BRINP3: variants seen among roughly 807,000 people sequenced by gnomAD.
BRINP3 encodes BMP/retinoic acid inducible neural specific 3.
In BRINP3, 19 loss-of-function variants were observed where a neutral mutation model predicts 71.0. The observed-to-expected ratio is 0.27, with a 90% CI of 0.19 to 0.39. The LOEUF is 0.39. BRINP3 is among the 10% of genes least tolerant of loss of function. The pLI is 1.00. For synonymous variants in BRINP3, 380 were observed against 337.7 expected, an observed-to-expected ratio of 1.13 and a Z score of -1.37; for missense variants, 959 against 940.8, an observed-to-expected ratio of 1.02 and a Z score of -0.25.
chr1:190,424,667 G>A (rs897408768), intron 2 of BRINP3, among the ~76,000 whole-genome samples: 3 of 151,742 alleles, frequency 2.0e-5, no homozygotes, highest in Non-Finnish European at 4.4e-5. Context: ...TGAACAGTAA[G>A]AGTAGTAGAA....
At chr1:190,469,994 GTTA>G (rs1677022849) in intron 1 of BRINP3, among the ~76,000 whole-genome samples, 1 of 150,944 alleles carries the variant, frequency 6.6e-6, no homozygotes, top group African/African-American at 2.4e-5. Context: ...GAAAATATTT[GTTA>G]TTAGTGACAG....
intron 6 of BRINP3, among the ~76,000 whole-genome samples, chr1:190,191,326 G>C (rs991952131): frequency 6.6e-6 from 1 of 151,706 alleles, no homozygotes; most frequent in South Asian, 2.1e-4. Context: ...TGTGTATAAC[G>C]TGCAGGTTTG....
chr1:190,265,306 G>A (rs10920675), intron 3 of BRINP3, among the ~76,000 whole-genome samples: 59,145 of 151,658 alleles, frequency 0.39, 12,738 homozygotes, highest in Non-Finnish European at 0.49. Context: ...AGTTTCTCCA[G>A]ATTTTATTGA....
chr1:190,408,195 A>T (rs1254696490), intron 2 of BRINP3, among the ~76,000 whole-genome samples: 2 of 47,908 alleles, frequency 4.2e-5, no homozygotes, highest in African/African-American at 1.0e-4. Flanking sequence ...CTAATTATTT[A>T]TTTATTTATT....
intron 7 of BRINP3, among the ~76,000 whole-genome samples, chr1:190,115,819 G>C (rs1653087156): frequency 6.6e-6 from 1 of 152,100 alleles, no homozygotes; most frequent in African/African-American, 2.4e-5. Flanking sequence ...GACTATGGTG[G>C]ATGAAATTGA....
chr1:190,292,198 A>G (rs553483677), intron 2 of BRINP3, among the ~76,000 whole-genome samples: 1 of 152,268 alleles, frequency 6.6e-6, no homozygotes, highest in Non-Finnish European at 1.5e-5. Context: ...ACAAAATGAC[A>G]GAAGGAAGAA....
intron 2 of BRINP3, among the ~76,000 whole-genome samples, chr1:190,446,659 T>A (rs1675238971): frequency 6.6e-6 from 1 of 152,112 alleles, no homozygotes; most frequent in Non-Finnish European, 1.5e-5. Flanking sequence ...TTGCTTTTGA[T>A]ATCCAAAAAA....
intron 2 of BRINP3, among the ~76,000 whole-genome samples, chr1:190,399,863 GT>G (rs1235260963): frequency 6.6e-6 from 1 of 151,904 alleles, no homozygotes; most frequent in Non-Finnish European, 1.5e-5. Flanking sequence ...GCTACTCCTG[GT>G]CTTAGAGATG....
intron 2 of BRINP3, among the ~76,000 whole-genome samples, chr1:190,287,046 C>T (rs910374006): frequency 1.3e-5 from 2 of 150,302 alleles, no homozygotes; most frequent in Admixed American, 6.7e-5. Flanking sequence ...TGGTGAAACC[C>T]TGTCTCTACT....
At chr1:190,234,573 C>G in intron 4 of BRINP3, 96 bp from the exon 5 acceptor site, 4 of 833,446 alleles carry the variant, frequency 4.8e-6, no homozygotes, top group East Asian at 2.6e-5. Flanking sequence ...ATACGTTTGA[C>G]AGTAAATATC....
chr1:190,103,502 C>T (rs2102251406), intron 7 of BRINP3, among the ~76,000 whole-genome samples: 1 of 152,108 alleles, frequency 6.6e-6, no homozygotes, highest in Middle Eastern at 3.4e-3. Context: ...ATAAGAATTT[C>T]TAGGAGTAGG....
intron 1 of BRINP3, among the ~76,000 whole-genome samples, chr1:190,464,136 T>TG (rs1371284775): frequency 2.1e-5 from 3 of 141,840 alleles, no homozygotes; most frequent in Admixed American, 1.4e-4. Context: ...TTTCAAAAAG[T>TG]GTTTTTTTTT....
intron 4 of BRINP3, among the ~76,000 whole-genome samples, chr1:190,257,042 A>G (rs760850078): frequency 4.6e-5 from 7 of 152,138 alleles, no homozygotes; most frequent in Non-Finnish European, 1.0e-4. Context: ...CTGACTTGCT[A>G]GGTTGGGGAA....
chr1:190,433,014 C>CA (rs1674204265), intron 2 of BRINP3, among the ~76,000 whole-genome samples: 1 of 151,718 alleles, frequency 6.6e-6, no homozygotes, highest in Non-Finnish European at 1.5e-5. Flanking sequence ...AAATAGAGAC[C>CA]AAAAAAATCT....
intron 2 of BRINP3, among the ~76,000 whole-genome samples, chr1:190,404,765 T>C (rs898644577): frequency 6.6e-6 from 1 of 152,132 alleles, no homozygotes; most frequent in Non-Finnish European, 1.5e-5. Context: ...ATAATACACA[T>C]AGTTTTATAG....
At chr1:190,213,700 A>C (rs1280414102) in intron 6 of BRINP3, among the ~76,000 whole-genome samples, 1 of 151,994 alleles carries the variant, frequency 6.6e-6, no homozygotes, top group Non-Finnish European at 1.5e-5. Flanking sequence ...TACCCAGAAA[A>C]GACTCTCCAT....
At chr1:190,184,787 C>A (rs1291428172) in intron 6 of BRINP3, among the ~76,000 whole-genome samples, 1 of 152,102 alleles carries the variant, frequency 6.6e-6, no homozygotes, top group Non-Finnish European at 1.5e-5. Context: ...CTATCATATA[C>A]TATATTCACT....
intron 2 of BRINP3, among the ~76,000 whole-genome samples, chr1:190,300,380 A>G (rs951259688): frequency 6.6e-5 from 10 of 151,976 alleles, no homozygotes; most frequent in African/African-American, 2.4e-4. Flanking sequence ...GTAGTTCTCA[A>G]GACTTGGTTT....
intron 6 of BRINP3, among the ~76,000 whole-genome samples, chr1:190,196,403 C>G (rs146847097): frequency 4.1e-4 from 63 of 152,240 alleles, no homozygotes; most frequent in Admixed American, 5.2e-4. Flanking sequence ...CTGGACATTT[C>G]AAATGTGCTT....
Sources: allele counts gnomAD v4.1 joint callset (sites outside exome capture counted in the v4.1 genomes callset), GRCh38; gene constraint gnomAD v4.1.1; transcripts MANE v1.5; gene names NCBI Gene and HGNC (gene_info 2026-07-23, HGNC 2026-07-21).